Variants in CDH23 observed in about 807,000 individuals in gnomAD.
CDH23 encodes the protein cadherin related 23, also known as cadherin-23.
In CDH23, 189 loss-of-function variants were observed where a neutral mutation model predicts 317.1. The ratio of observed to expected loss-of-function variants is 0.60; its 90% CI spans 0.53 to 0.67. The LOEUF (loss-of-function observed/expected upper bound fraction) is 0.67, where lower values mean the gene tolerates loss of function less well. Among genes scored for constraint, CDH23 ranks in the 30% least tolerant of loss-of-function variants. The pLI is 0.00. For missense variants in CDH23, 4,401 were observed against 4,592.4 expected (o/e 0.96, Z 1.20); for synonymous variants, 1,839 against 1,876.8 (o/e 0.98, Z 0.52).
At position 71,733,335 on chromosome 10, in the gene CDH23, AG is replaced by A. The variant is rs1839452901; in HGVS notation, c.4105-902del. Among the ~76,000 whole-genome samples, 5 of 152,308 alleles carry A rather than the reference AG, an allele frequency of 3.3e-5. No individual in the cohort carries two copies. The South Asian group carries it at 1.0e-3, about 32-fold the overall frequency. ...GCAGACTGCAAGCTCTCTGTAGTTC[AG>A]GGATGTCTATGGAGGCTTCATCACA... On this transcript the variant is annotated intron_variant, in intron 32 of 69. Transcript: ENST00000224721.
At chr10:71,697,173 G>A (rs1865422431) in intron 22 of CDH23, among the ~76,000 whole-genome samples, 1 of 152,244 alleles carries the variant, frequency 6.6e-6, no homozygotes, top group Non-Finnish European at 1.5e-5. Context: ...ACTGCACACA[G>A]TCTTGGGCAT....
chr10:71,790,523 A>G (rs894843793), intron 46 of CDH23, 110 bp downstream of exon 46: 2 of 1,403,758 alleles, frequency 1.4e-6, no homozygotes, highest in African/African-American at 2.8e-5. Flanking sequence ...CTGTCCGTGG[A>G]GACCCCATTT....
In CDH23 at chr10:71,617,540, A is replaced by G. The variant is rs1861258288; in HGVS notation, c.1134+147A>G. The G allele has an allele frequency of 1.3e-5, 19 of 1,470,448 alleles. No individual in the cohort carries two copies. In the South Asian group the frequency reaches 2.5e-4, roughly 19 times the overall value. 91.1% of individuals were successfully genotyped at this position (1,470,448 alleles called of 1,614,324 possible). On this transcript the variant is annotated intron_variant, in intron 11 of 69. Transcript: ENST00000224721. ...TAGGTTCTGAGGATAAATAAGGCTG[A>G]AAAAAAAATCACTAGTCTCTACTTT... is the stretch of plus-strand genomic sequence containing the variant.
At position 71,490,101 on chromosome 10, in the gene CDH23, C is replaced by A. The variant is rs1002560868; in HGVS notation, c.146-19981C>A. Among the ~76,000 whole-genome samples, 4 of 152,006 alleles carry A rather than the reference C, an allele frequency of 2.6e-5. No individual in the cohort carries two copies. The East Asian group carries it at 7.7e-4, about 29-fold the overall frequency. On this transcript the variant is annotated intron_variant, in intron 3 of 69. Transcript: ENST00000224721. ...GGCCTTTTCTCCTCTTTTCTGGGCC[C>A]CGGGGACTGTAATAATGAAAACTTG...
chr10:71,515,394 T>TCACA (rs377079980), intron 6 of CDH23, among the ~76,000 whole-genome samples: 13 of 26,616 alleles, frequency 4.9e-4, no homozygotes, highest in African/African-American at 1.1e-3. Context: ...TCTCTCTCTC[T>TCACA]CACACACACA....
chr10:71,694,200 C>G lies in CDH23; in HGVS notation c.2230C>G (p.Leu744Val). Residue 744 changes from leucine to valine, a missense_variant, in exon 21 of 70, where the codon CTC becomes GTC. Leu to Val is a conservative substitution (Grantham distance 32). This residue lies in a region of CDH23 where 3,068 missense variants were observed against 3,203.3 expected (regional missense o/e 0.96). Coordinates refer to ENST00000224721, the MANE Select transcript of CDH23 (RefSeq NM_022124.6). ...CCGAGAGACCAAGTCTGAATACATC[C>G]TCATCGTTCGCGCAGTGGACGGGGG... Reference protein sequence around the residue: ...LDRETKSEYILIVRAVDGGVG... With the variant: ...LDRETKSEYIVIVRAVDGGVG... The G allele has an allele frequency of 3.1e-6, 5 of 1,613,830 alleles. No homozygotes were observed. The highest frequency in any genetic ancestry group is 4.2e-6 in the Non-Finnish European group (5 of 1,179,874).
chr10:71,536,765 G>A (rs1855726392), intron 6 of CDH23, among the ~76,000 whole-genome samples: 1 of 152,126 alleles, frequency 6.6e-6, no homozygotes, highest in Non-Finnish European at 1.5e-5. Flanking sequence ...TCAGGAGAAG[G>A]TCACAATGAA....
At chr10:71,609,189 G>A (rs1356809612) in intron 9 of CDH23, among the ~76,000 whole-genome samples, 1 of 151,944 alleles carries the variant, frequency 6.6e-6, no homozygotes, top group Non-Finnish European at 1.5e-5. Flanking sequence ...AGGGGGATAA[G>A]CCTAAGCTCC....
intron 3 of CDH23, among the ~76,000 whole-genome samples, chr10:71,506,599 A>G (rs1853650821): frequency 6.6e-6 from 1 of 152,090 alleles, no homozygotes; most frequent in Admixed American, 6.5e-5. Flanking sequence ...TCCTGTAGGA[A>G]TAGCACAACC....
chr10:71,534,907 C>T (rs972269551), intron 6 of CDH23, among the ~76,000 whole-genome samples: 2 of 152,232 alleles, frequency 1.3e-5, no homozygotes, highest in African/African-American at 4.8e-5. Context: ...TTTGGACAGG[C>T]TGAGGGAAGA....
intron 6 of CDH23, among the ~76,000 whole-genome samples, chr10:71,528,746 G>A (rs543907810): frequency 6.6e-6 from 1 of 152,324 alleles, no homozygotes; most frequent in Admixed American, 6.5e-5. Flanking sequence ...CCCACCCTGG[G>A]GGCCCAAGCC....
rs555630203 is a variant in CDH23, at chr10:71,807,167, C to G, written c.8179-110C>G. On this transcript the variant is annotated intron_variant, in intron 57 of 69. Coordinates refer to ENST00000224721, the MANE Select transcript of CDH23 (RefSeq NM_022124.6). ...TTCTACTCACCCCATAAGGCCTGGA[C>G]AGTAAACTCCCTCAGCACCTACAAA... The G allele has an allele frequency of 1.2e-5, 17 of 1,369,162 alleles. No homozygotes were observed. In the East Asian group the frequency reaches 3.9e-4, roughly 32 times the overall value. 84.8% of individuals were successfully genotyped at this position (1,369,162 alleles called of 1,614,324 possible).
intron 1 of CDH23, among the ~76,000 whole-genome samples, chr10:71,422,285 T>G (rs1848853870): frequency 6.6e-6 from 1 of 152,188 alleles, no homozygotes; most frequent in Non-Finnish European, 1.5e-5. Context: ...TGTGGTGCCA[T>G]GCAAAGAGCT....
At chr10:71,535,394 C>T (rs985926774) in intron 6 of CDH23, among the ~76,000 whole-genome samples, 3 of 152,142 alleles carry the variant, frequency 2.0e-5, no homozygotes, top group Non-Finnish European at 4.4e-5. Flanking sequence ...GAGGAGTCTT[C>T]GGAACCATGA....
intron 3 of CDH23, among the ~76,000 whole-genome samples, chr10:71,470,134 A>G (rs1257628535): frequency 2.0e-5 from 3 of 152,122 alleles, no homozygotes; most frequent in Admixed American, 6.5e-5. Context: ...TGCACCCAGC[A>G]TAAGTTTAAC....
At chr10:71,427,195 G>GAGAACGAAAGAA (rs1554823327) in intron 1 of CDH23, among the ~76,000 whole-genome samples, 4 of 98,934 alleles carry the variant, frequency 4.0e-5, no homozygotes, top group African/African-American at 7.9e-5. Flanking sequence ...AGGAAGGAAA[G>GAGAACGAAAGAA]AGAAAGAAAG....
At chr10:71,702,855 G>C (rs1439951785) in intron 24 of CDH23, among the ~76,000 whole-genome samples, 161 bp downstream of exon 24, 1 of 152,200 alleles carries the variant, frequency 6.6e-6, no homozygotes, top group Non-Finnish European at 1.5e-5. Context: ...GCAGGAAAAG[G>C]ATAGGGAGAT....
chr10:71,482,812 C>T (rs938773524), intron 3 of CDH23, among the ~76,000 whole-genome samples: 8 of 152,146 alleles, frequency 5.3e-5, no homozygotes, highest in African/African-American at 9.7e-5. Flanking sequence ...CCGAGTTGAG[C>T]GGATTACAAC....
chr10:71,729,906 T>C (rs560387515), intron 30 of CDH23, among the ~76,000 whole-genome samples: 14 of 151,850 alleles, frequency 9.2e-5, no homozygotes, highest in African/African-American at 2.7e-4. Flanking sequence ...GCGATCTTGG[T>C]TCACTGCAAC....
Sources: gnomAD v4.1 joint callset for allele counts (sites outside exome capture counted in the v4.1 genomes callset) on GRCh38, gnomAD v4.1.1 for gene constraint, gnomAD v4.1.1 regional missense constraint, MANE v1.5 for transcripts, NCBI Gene and HGNC (gene_info 2026-07-23, HGNC 2026-07-21) for gene names.